The following TYW1B variants were observed in gnomAD, a reference collection of about 807,000 sequenced individuals.
TYW1B encodes tRNA-yW synthesizing protein 1 homolog B.
In TYW1B, 73 loss-of-function variants were observed where a neutral mutation model predicts 86.9. That is an observed-to-expected ratio of 0.84 (90% CI 0.70 to 1.02). The LOEUF is 1.02. TYW1B is among the 50% of genes least tolerant of loss of function. The pLI, the probability that TYW1B is intolerant of heterozygous loss-of-function variation, is 0.00. For missense variants in TYW1B, 637 were observed against 827.4 expected (o/e 0.77, Z 2.82); for synonymous variants, 248 against 292.8 (o/e 0.85, Z 1.56).
At chr7:72,620,417 C>A (rs1296013550) in intron 12 of TYW1B, among the ~76,000 whole-genome samples, 1 of 151,988 alleles carries the variant, frequency 6.6e-6, no homozygotes, top group Non-Finnish European at 1.5e-5. Flanking sequence ...AAAACAAAAA[C>A]CAAACAACAA....
At chr7:72,734,112 G>A (rs1249818039) in intron 8 of TYW1B, among the ~76,000 whole-genome samples, 4 of 151,882 alleles carry the variant, frequency 2.6e-5, no homozygotes, top group Admixed American at 2.0e-4. Context: ...CAAAAAATTG[G>A]CCAGGAGTGG....
At chr7:72,647,631 T>C (rs1198583471) in intron 11 of TYW1B, among the ~76,000 whole-genome samples, 2 of 152,166 alleles carry the variant, frequency 1.3e-5, no homozygotes, top group Non-Finnish European at 2.9e-5. Flanking sequence ...ACTTATGTTT[T>C]TGTACCTCGT....
At chr7:72,688,154 T>C (rs192916532) in intron 11 of TYW1B, among the ~76,000 whole-genome samples, 1 of 152,224 alleles carries the variant, frequency 6.6e-6, no homozygotes. Flanking sequence ...TAATACAATA[T>C]AGTAACTGTT....
intron 11 of TYW1B, among the ~76,000 whole-genome samples, chr7:72,674,680 C>T (rs1813693465): frequency 1.3e-5 from 2 of 152,016 alleles, no homozygotes; most frequent in South Asian, 4.2e-4. Flanking sequence ...AGCATTTTAC[C>T]CCACGGAATT....
intron 6 of TYW1B, among the ~76,000 whole-genome samples, chr7:72,783,289 T>C (rs1285683884): frequency 2.0e-5 from 3 of 149,460 alleles, no homozygotes; most frequent in Non-Finnish European, 4.4e-5. Context: ...TCCCAGCTAT[T>C]CAGGAGGCTG....
chr7:72,633,945 C>T (rs192332171), intron 11 of TYW1B, among the ~76,000 whole-genome samples: 31 of 152,184 alleles, frequency 2.0e-4, no homozygotes, highest in African/African-American at 7.2e-4. Context: ...TTGTGTCTGG[C>T]TTCTTTCAGT....
At position 72,656,443 on chromosome 7, in the gene TYW1B, C is replaced by T. The variant is rs548176191; in HGVS notation, c.1507-27446G>A. The stretch of plus-strand genomic sequence containing the variant: ...ACCTCTTGTGTTAGTCCATTTGCAC[C>T]ACTATAAAAGAATACTTAGCCGGGC... On this transcript the variant is annotated intron_variant, in intron 11 of 13. Coordinates refer to ENST00000620995, the MANE Select transcript of TYW1B (RefSeq NM_001145440.3). 2.6e-5 allele frequency among the ~76,000 whole-genome samples: 4 copies of T among 152,044 alleles called. No individual in the cohort carries two copies. The East Asian group carries it at 7.7e-4, about 29-fold the overall frequency.
chr7:72,766,284 T>C (rs1787767589), intron 7 of TYW1B, among the ~76,000 whole-genome samples: 1 of 152,220 alleles, frequency 6.6e-6, no homozygotes. Context: ...CAAACTGACA[T>C]TGTCATATTA....
At chr7:72,739,904 AG>A (rs1787271670) in intron 8 of TYW1B, among the ~76,000 whole-genome samples, 1 of 144,270 alleles carries the variant, frequency 6.9e-6, no homozygotes, top group African/African-American at 2.6e-5. Flanking sequence ...GCAAAGGCTA[AG>A]GCAGAGTTGT....
At chr7:72,580,351 C>G (rs1413717503) in intron 13 of TYW1B, among the ~76,000 whole-genome samples, 1 of 152,112 alleles carries the variant, frequency 6.6e-6, no homozygotes, top group Admixed American at 6.5e-5. Flanking sequence ...GGCATGAAAC[C>G]CCAAATCGTA....
chr7:72,755,547 A>G (rs1787572243), intron 7 of TYW1B, among the ~76,000 whole-genome samples: 2 of 152,142 alleles, frequency 1.3e-5, no homozygotes, highest in Admixed American at 1.3e-4. Context: ...GTGGTGGTGC[A>G]TGCCTATAAT....
chr7:72,812,706 T>G (rs1371154245), intron 3 of TYW1B, among the ~76,000 whole-genome samples: 1 of 151,638 alleles, frequency 6.6e-6, no homozygotes, highest in Non-Finnish European at 1.5e-5. Flanking sequence ...TTGGGGTTTT[T>G]TTTTTTTTTT....
At position 72,787,239 on chromosome 7, in the gene TYW1B, A is replaced by C. The variant is rs572126715; in HGVS notation, c.847-9706T>G. 2.6e-5 allele frequency among the ~76,000 whole-genome samples: 4 copies of C among 152,246 alleles called. No homozygotes were observed. In the South Asian group the frequency reaches 6.2e-4, roughly 24 times the overall value. ...CACTTTGGGAGGCCAAGGTGGGTGG[A>C]TCACTTGAGATCAGGAGTTCAAAAT... On this transcript the variant is annotated intron_variant, in intron 6 of 13. Transcript: ENST00000620995.
intron 11 of TYW1B, among the ~76,000 whole-genome samples, chr7:72,633,550 A>C (rs1812594573): frequency 1.3e-5 from 2 of 152,196 alleles, no homozygotes; most frequent in Non-Finnish European, 2.9e-5. Context: ...CATCACCCAG[A>C]CACCCTTCTG....
intron 6 of TYW1B, among the ~76,000 whole-genome samples, chr7:72,797,876 A>G (rs182815632): frequency 6.6e-6 from 1 of 152,232 alleles, no homozygotes; most frequent in East Asian, 1.9e-4. Context: ...AAACATGTCC[A>G]GTCAGACACT....
intron 8 of TYW1B, among the ~76,000 whole-genome samples, chr7:72,738,969 G>A (rs1787251100): frequency 1.3e-5 from 2 of 152,126 alleles, no homozygotes; most frequent in South Asian, 4.1e-4. Context: ...GCCTGTAGCT[G>A]GAGTTACTCA....
At chr7:72,818,065 T>C (rs1788757754) in intron 2 of TYW1B, among the ~76,000 whole-genome samples, 1 of 149,230 alleles carries the variant, frequency 6.7e-6, no homozygotes. Flanking sequence ...TATCAGTTCA[T>C]AGCTGGCTGT....
chr7:72,745,281 C>T (rs1183814312), intron 7 of TYW1B, among the ~76,000 whole-genome samples: 2 of 152,300 alleles, frequency 1.3e-5, no homozygotes, highest in East Asian at 1.9e-4. Flanking sequence ...ACCTCAGCCT[C>T]TCCAAATGCT....
intron 12 of TYW1B, among the ~76,000 whole-genome samples, chr7:72,624,236 G>A (rs1812288991): frequency 6.6e-6 from 1 of 152,152 alleles, no homozygotes; most frequent in Non-Finnish European, 1.5e-5. Context: ...TCCATTTACT[G>A]ATTTCATTTG....
Sources: allele counts gnomAD v4.1 joint callset (sites outside exome capture counted in the v4.1 genomes callset), GRCh38; gene constraint gnomAD v4.1.1; transcripts MANE v1.5; gene names NCBI Gene and HGNC (gene_info 2026-07-23, HGNC 2026-07-21).